SLC8A2: variants seen among roughly 807,000 people sequenced by gnomAD.
The protein encoded by SLC8A2 is sodium/calcium exchanger 2.
A neutral mutation model predicts 70.2 loss-of-function variants in SLC8A2; 14 were observed. That is an observed-to-expected ratio of 0.20 (90% CI 0.13 to 0.31). The LOEUF (loss-of-function observed/expected upper bound fraction) is 0.31, where lower values mean the gene tolerates loss of function less well. Ranked by LOEUF, SLC8A2 falls within the 10% of genes least tolerant of loss-of-function variation. The pLI is 1.00. For missense variants in SLC8A2, 779 were observed against 1,320.1 expected (o/e 0.59, Z 6.35); for synonymous variants, 575 against 594.3 (o/e 0.97, Z 0.47).
chr19:47,459,645 CTG>C (rs372934662), intron 2 of SLC8A2, among the ~76,000 whole-genome samples: 142 of 151,086 alleles, frequency 9.4e-4, no homozygotes, highest in African/African-American at 2.5e-3. Context: ...GTGTGTCCAT[CTG>C]TGTGTGTGTC....
chr19:47,457,809 T>TTCCTTCCTTC (rs1169130773), intron 2 of SLC8A2, among the ~76,000 whole-genome samples: 16 of 123,444 alleles, frequency 1.3e-4, no homozygotes, highest in Non-Finnish European at 2.0e-4. Flanking sequence ...TTCCTTCCTT[T>TTCCTTCCTTC]CTTCCTTCTT....
Position 47,428,455 on chromosome 19 carries a change from T to A in SLC8A2, c.*1634A>T, listed in dbSNP as rs1289812697. 3 of 149,504 alleles carry A rather than the reference T, an allele frequency of 2.0e-5. No individual in the cohort carries two copies. The highest frequency in any genetic ancestry group is 4.4e-5 in the Non-Finnish European group (3 of 67,464). 9.3% of individuals were successfully genotyped at this position (149,504 alleles called of 1,614,324 possible). On this transcript the variant is annotated 3_prime_UTR_variant, in exon 10 of 10. Coordinates refer to ENST00000236877, the MANE Select transcript of SLC8A2 (RefSeq NM_015063.3). ...AGAGCTAGGCTGACGGATGGGGGCG[T>A]GGCTAGTGGAAGCTCATTACTGATG...
intron 3 of SLC8A2, among the ~76,000 whole-genome samples, chr19:47,453,291 A>G (rs1967266577): frequency 6.6e-6 from 1 of 152,196 alleles, no homozygotes; most frequent in Non-Finnish European, 1.5e-5. Context: ...AGAAATGCAA[A>G]TCTACAATGT....
chr19:47,433,840 C>T (rs1025631014), intron 8 of SLC8A2, among the ~76,000 whole-genome samples: 6 of 152,108 alleles, frequency 3.9e-5, no homozygotes, highest in Admixed American at 2.6e-4. Context: ...GATGGGATTT[C>T]GCCATGTTGG....
At position 47,448,111 on chromosome 19, in the gene SLC8A2, C is replaced by G. The variant is rs1455514186; in HGVS notation, c.1461G>C (p.Val487=). ...GCTCGAACATGCCCTGCGCGTCGCC[C>G]ACGCGCAGGTTCAGCAGCCGCACGA... The part of the protein sequence containing the change: ...HFFVRLLNLR[V]GDAQGMFEPD... The change falls in exon 4 of 10, where the codon GTG becomes GTC. Residue 487 remains valine, a synonymous_variant. Transcript: ENST00000236877. The surrounding 1 kb of genome is among the most constrained non-coding windows in gnomAD (Gnocchi z 4.8). The G allele has an allele frequency of 1.9e-6, 3 of 1,611,058 alleles. No individual in the cohort carries two copies. Among genetic ancestry groups the G allele is most frequent in the South Asian group, 1.1e-5 (1 of 90,808 alleles).
In SLC8A2 at chr19:47,448,848, C is replaced by T. The variant is rs1398656787; in HGVS notation, c.1341-617G>A. ...ATGCCCCCAAGAGGAAGTCCATACA[C>T]CTTAACTTGGCATCACTCATTCATT... On this transcript the variant is annotated intron_variant, in intron 3 of 9. Transcript: ENST00000236877. The surrounding 1 kb of genome is among the most constrained non-coding windows in gnomAD (Gnocchi z 4.8). Among the ~76,000 whole-genome samples, 1 of 152,134 alleles carries T rather than the reference C, an allele frequency of 6.6e-6. No individual in the cohort carries two copies. Among genetic ancestry groups the T allele is most frequent in the Non-Finnish European group, 1.5e-5 (1 of 68,042 alleles).
chr19:47,462,338 T>C (rs1262819300), intron 2 of SLC8A2, among the ~76,000 whole-genome samples: 1 of 151,674 alleles, frequency 6.6e-6, no homozygotes, highest in African/African-American at 2.4e-5. Context: ...AATCTCGGCT[T>C]ACCGCAACCT....
chr19:47,447,512 C>A lies in SLC8A2; in HGVS notation c.1763+297G>T, dbSNP rs1445347228. On this transcript the variant is annotated intron_variant, in intron 4 of 9. Transcript: ENST00000236877. The surrounding 1 kb of genome is among the most constrained non-coding windows in gnomAD (Gnocchi z 5.1). ...CCAGGCCCCGCCCACGTGGTAGACA[C>A]AGCACACCTAGGCCCCGCCCCTCCC... 4.3e-6 allele frequency: 2 copies of A among 465,192 alleles called. No homozygotes were observed. Among genetic ancestry groups the A allele is most frequent in the Non-Finnish European group, 7.6e-6 (2 of 261,922 alleles). 28.8% of individuals were successfully genotyped at this position (465,192 alleles called of 1,614,324 possible). A position where few individuals can be genotyped will look rare whatever the true frequency, so the allele number is the denominator to read the frequency against.
intron 6 of SLC8A2, 131 bp from the exon 7 acceptor site, chr19:47,438,104 T>A: frequency 9.4e-7 from 1 of 1,069,368 alleles, no homozygotes; most frequent in Non-Finnish European, 1.3e-6. Context: ...TGGTGACTCC[T>A]CCCAGCCTCC....
rs1487214748 is a variant in SLC8A2 at position 47,466,652 on chromosome 19, A to C, written c.-16-233T>G. Among the ~76,000 whole-genome samples the C allele has an allele frequency of 6.6e-6, 1 of 152,078 alleles. No individual in the cohort carries two copies. Among genetic ancestry groups the C allele is most frequent in the Non-Finnish European group, 1.5e-5 (1 of 68,002 alleles). ...CCCATGCACTGCTGGTGGGAATGCA[A>C]ATTGGTCTATGCACTTTGGGCAACT... is the stretch of plus-strand genomic sequence containing the variant. On this transcript the variant is annotated intron_variant, in intron 1 of 9. Transcript: ENST00000236877. The surrounding 1 kb of genome is among the most constrained non-coding windows in gnomAD (Gnocchi z 6.9).
intron 8 of SLC8A2, among the ~76,000 whole-genome samples, 191 bp downstream of exon 8, chr19:47,437,271 C>T (rs1967041638): frequency 6.6e-6 from 1 of 152,024 alleles, no homozygotes; most frequent in African/African-American, 2.4e-5. Context: ...GATCATGGCT[C>T]ATTGCAGCCT....
chr19:47,448,241 G>A lies in SLC8A2; in HGVS notation c.1341-10C>T, dbSNP rs1292377611. ...CACCAGCGTGCCCTCGCTGCGGCGGGGTGGGGAGGGGGAAGAGCGGGGTGA... is the reference window on the plus strand; with the variant it reads ...CACCAGCGTGCCCTCGCTGCGGCGGAGTGGGGAGGGGGAAGAGCGGGGTGA... On this transcript the variant is annotated splice_polypyrimidine_tract_variant and intron_variant, in intron 3 of 9. Coordinates refer to ENST00000236877, the MANE Select transcript of SLC8A2 (RefSeq NM_015063.3). This position sits in a 1 kb window ranked among gnomAD's most constrained non-coding sequence, Gnocchi z 4.8. 15 of 1,580,592 alleles carry A rather than the reference G, an allele frequency of 9.5e-6. No homozygotes were observed. Among genetic ancestry groups the A allele is most frequent in the Non-Finnish European group, 1.3e-5 (15 of 1,159,986 alleles).
intron 2 of SLC8A2, 72 bp from the exon 3 acceptor site, chr19:47,457,666 C>G (rs1176148634): frequency 1.1e-5 from 11 of 1,010,336 alleles, no homozygotes; most frequent in Non-Finnish European, 1.5e-5. Flanking sequence ...GTCTCAGTCT[C>G]TGTCCGCCTC....
chr19:47,450,636 C>T (rs1173321631), intron 3 of SLC8A2, among the ~76,000 whole-genome samples: 1 of 152,116 alleles, frequency 6.6e-6, no homozygotes, highest in Non-Finnish European at 1.5e-5. Context: ...AAAAGACCTG[C>T]AGTGGAGGGA....
In SLC8A2 at chr19:47,448,682, C is replaced by T. The variant is rs1967199724; in HGVS notation, c.1341-451G>A. Among the ~76,000 whole-genome samples, 2 of 152,294 alleles carry T rather than the reference C, an allele frequency of 1.3e-5. No homozygotes were observed. The highest frequency in any genetic ancestry group is 1.3e-4 in the Admixed American group (2 of 15,296). On this transcript the variant is annotated intron_variant, in intron 3 of 9. Coordinates refer to ENST00000236877, the MANE Select transcript of SLC8A2 (RefSeq NM_015063.3). This position sits in a 1 kb window ranked among gnomAD's most constrained non-coding sequence, Gnocchi z 4.8. ...TCCCCTGGTGGAGCTTGTGAAAATG[C>T]AGATTCTGGTTTAGAAGCTCCCGGG... is the stretch of plus-strand genomic sequence containing the variant.
At chr19:47,463,380 G>A (rs892239981) in intron 2 of SLC8A2, among the ~76,000 whole-genome samples, 16 of 149,586 alleles carry the variant, frequency 1.1e-4, no homozygotes, top group Non-Finnish European at 2.1e-4. Context: ...TGATCCGCCC[G>A]CCTCAGCCTC....
intron 2 of SLC8A2, among the ~76,000 whole-genome samples, chr19:47,462,548 G>A (rs976471289): frequency 2.0e-5 from 3 of 150,974 alleles, no homozygotes; most frequent in Admixed American, 1.3e-4. Context: ...ACAGGCATGA[G>A]CCTTTGCGCC....
intron 3 of SLC8A2, among the ~76,000 whole-genome samples, chr19:47,450,359 C>T (rs1451700640): frequency 6.6e-6 from 1 of 152,166 alleles, no homozygotes. Flanking sequence ...CCCGTTTCTA[C>T]TAAAAATACA....
At chr19:47,469,132 G>GTGTA (rs1199562292) in intron 1 of SLC8A2, among the ~76,000 whole-genome samples, 2 of 151,674 alleles carry the variant, frequency 1.3e-5, no homozygotes, top group Non-Finnish European at 2.9e-5. Flanking sequence ...GTGTGTGTGT[G>GTGTA]TGTGTGTGTG....
Sources: gnomAD v4.1 joint callset for allele counts (sites outside exome capture counted in the v4.1 genomes callset) on GRCh38, gnomAD v4.1.1 for gene constraint, Gnocchi (gnomAD v3.1) non-coding constraint, MANE v1.5 for transcripts, NCBI Gene and HGNC (gene_info 2026-07-23, HGNC 2026-07-21) for gene names.